LUZP2: variants seen among roughly 807,000 people sequenced by gnomAD.
The protein encoded by LUZP2 is leucine zipper protein 2.
In LUZP2, 52 loss-of-function variants were observed where a neutral mutation model predicts 51.6. The ratio of observed to expected loss-of-function variants is 1.01; its 90% confidence interval spans 0.81 to 1.27. The LOEUF (loss-of-function observed/expected upper bound fraction) is 1.27. Among genes scored for constraint, LUZP2 ranks in the 50% most tolerant of loss-of-function variants. The pLI is 0.00. For synonymous variants in LUZP2, 154 were observed against 137.3 expected (o/e 1.12, Z -0.85); for missense variants, 436 against 395.4 (o/e 1.10, Z -0.87).
intron 5 of LUZP2, chr11:24,786,067 T>G (rs1176202942): frequency 1.0e-5 from 10 of 985,166 alleles, no homozygotes; most frequent in Non-Finnish European, 1.2e-5. Flanking sequence ...GGTGGGCACA[T>G]TTTTCATCGG....
At chr11:25,041,841 TACC>T (rs1385173902) in intron 9 of LUZP2, among the ~76,000 whole-genome samples, 2 of 152,288 alleles carry the variant, frequency 1.3e-5, no homozygotes, top group Admixed American at 6.5e-5. Context: ...GAGCAAGCAT[TACC>T]ACCTGAGCTC....
chr11:24,867,977 A>G (rs911066160), intron 5 of LUZP2, among the ~76,000 whole-genome samples: 3 of 152,332 alleles, frequency 2.0e-5, no homozygotes, highest in Admixed American at 1.3e-4. Context: ...AGAAATACAT[A>G]TATAGAATGT....
intron 7 of LUZP2, among the ~76,000 whole-genome samples, chr11:24,961,601 T>G (rs1855408522): frequency 6.6e-6 from 1 of 152,162 alleles, no homozygotes; most frequent in African/African-American, 2.4e-5. Flanking sequence ...ATTTGCTTGG[T>G]AGATCTTCCT....
intron 9 of LUZP2, among the ~76,000 whole-genome samples, chr11:25,028,431 G>A (rs1010105835): frequency 2.0e-5 from 3 of 151,950 alleles, no homozygotes; most frequent in Admixed American, 2.0e-4. Flanking sequence ...AAGAAAATGT[G>A]GTGTATATAA....
intron 9 of LUZP2, among the ~76,000 whole-genome samples, chr11:25,022,757 C>T (rs562460149): frequency 6.6e-6 from 1 of 152,052 alleles, no homozygotes; most frequent in African/African-American, 2.4e-5. Flanking sequence ...AGATGAGAGG[C>T]CCATTCAATA....
At chr11:24,977,417 G>T (rs1449527684) in intron 8 of LUZP2, among the ~76,000 whole-genome samples, 2 of 151,628 alleles carry the variant, frequency 1.3e-5, no homozygotes, top group Admixed American at 6.6e-5. Flanking sequence ...GTAGAAATTT[G>T]ACATGTATAT....
intron 1 of LUZP2, among the ~76,000 whole-genome samples, chr11:24,631,375 G>C (rs1450270576): frequency 6.7e-6 from 1 of 149,604 alleles, no homozygotes; most frequent in African/African-American, 2.4e-5. Flanking sequence ...TGCCTAGTAG[G>C]TTCAGGTGTT....
At chr11:24,979,232 T>C (rs1855958743) in intron 8 of LUZP2, among the ~76,000 whole-genome samples, 1 of 151,958 alleles carries the variant, frequency 6.6e-6, no homozygotes, top group African/African-American at 2.4e-5. Flanking sequence ...GTGATAACAA[T>C]TCCCTCTTTA....
chr11:24,760,757 C>G (rs1169419880), intron 4 of LUZP2, among the ~76,000 whole-genome samples: 2 of 152,148 alleles, frequency 1.3e-5, no homozygotes, highest in African/African-American at 4.8e-5. Flanking sequence ...TTAGGTGGTA[C>G]TGGAACTATT....
chr11:24,657,869 G>T (rs1453930917), intron 1 of LUZP2, among the ~76,000 whole-genome samples: 2 of 152,122 alleles, frequency 1.3e-5, no homozygotes, highest in African/African-American at 4.8e-5. Flanking sequence ...ACTTACAAGG[G>T]ATGTGAAGAA....
At chr11:24,666,408 A>T (rs1856214188) in intron 1 of LUZP2, among the ~76,000 whole-genome samples, 1 of 152,148 alleles carries the variant, frequency 6.6e-6, no homozygotes, top group Non-Finnish European at 1.5e-5. Flanking sequence ...AAAAATACAG[A>T]CAACCATTGA....
At chr11:24,816,525 T>C (rs1850189035) in intron 5 of LUZP2, among the ~76,000 whole-genome samples, 1 of 152,050 alleles carries the variant, frequency 6.6e-6, no homozygotes, top group Non-Finnish European at 1.5e-5. Context: ...ATAATACCAA[T>C]TATATATACT....
intron 1 of LUZP2, among the ~76,000 whole-genome samples, chr11:24,651,973 TTCTC>T (rs139554264): frequency 0.014 from 2,170 of 152,142 alleles, 50 homozygotes; most frequent in African/African-American, 0.048. Context: ...TCTTCTCTCT[TTCTC>T]TCTATCTCTC....
intron 5 of LUZP2, among the ~76,000 whole-genome samples, chr11:24,821,567 A>C (rs1273491442): frequency 1.3e-5 from 2 of 152,080 alleles, no homozygotes; most frequent in Non-Finnish European, 2.9e-5. Flanking sequence ...CATGCTGTTA[A>C]GTAAGATTCA....
At chr11:24,778,783 A>C (rs1470891026) in intron 5 of LUZP2, among the ~76,000 whole-genome samples, 2 of 152,218 alleles carry the variant, frequency 1.3e-5, no homozygotes, top group African/African-American at 2.4e-5. Flanking sequence ...ACTTTTGTGA[A>C]TATCACTGGT....
intron 1 of LUZP2, among the ~76,000 whole-genome samples, chr11:24,640,796 T>C (rs1456714197): frequency 6.6e-6 from 1 of 151,768 alleles, no homozygotes. Flanking sequence ...TTGTGAATTT[T>C]ACTGTTTTTA....
chr11:24,635,381 A>T lies in LUZP2; in HGVS notation c.63-93788A>T, dbSNP rs796672308. ...AAAATTGATTTTTGAACAACATGTT[A>T]TAAGCAACATGTAAGATTTTAAACC... On this transcript the variant is annotated intron_variant, in intron 1 of 11. Transcript: ENST00000336930. Among the ~76,000 whole-genome samples the T allele has an allele frequency of 2.3e-4, 35 of 151,956 alleles. 1 individual carries two copies. The highest frequency in any genetic ancestry group is 8.2e-4 in the African/African-American group (34 of 41,454).
chr11:24,802,104 A>G (rs965587110), intron 5 of LUZP2, among the ~76,000 whole-genome samples: 2 of 151,998 alleles, frequency 1.3e-5, no homozygotes, highest in Non-Finnish European at 2.9e-5. Context: ...GATAACCACT[A>G]TCTTTACTTC....
intron 5 of LUZP2, among the ~76,000 whole-genome samples, chr11:24,808,067 T>G (rs988425762): frequency 3.3e-5 from 5 of 152,158 alleles, no homozygotes; most frequent in African/African-American, 1.2e-4. Context: ...GGAAATAAAA[T>G]GTAAATAATA....
Sources: gnomAD v4.1 joint callset for allele counts (sites outside exome capture counted in the v4.1 genomes callset) on GRCh38, gnomAD v4.1.1 for gene constraint, MANE v1.5 for transcripts, NCBI Gene and HGNC (gene_info 2026-07-23, HGNC 2026-07-21) for gene names.